The following MGST2 variants were observed in gnomAD, a reference collection of about 807,000 sequenced individuals.
MGST2 encodes the protein microsomal glutathione S-transferase 2.
MGST2 carries 9 observed loss-of-function variants against 16.6 expected under a neutral mutation model. The observed-to-expected ratio is 0.54, with a 90% CI of 0.33 to 0.95. The LOEUF is 0.95. Ranked by LOEUF, MGST2 falls within the 40% of genes least tolerant of loss-of-function variation. The pLI, the probability that MGST2 is intolerant of heterozygous loss-of-function variation, is 0.03. For synonymous variants in MGST2, 79 were observed against 68.0 expected (o/e 1.16, Z -0.79); for missense variants, 159 against 175.1 (o/e 0.91, Z 0.52).
chr4:139,699,386 A>G lies in MGST2; in HGVS notation c.230-4069A>G, dbSNP rs1002485450. The stretch of plus-strand genomic sequence containing the variant: ...GCATAAAATTCATATATATATCTAT[A>G]TAGTCTTTCTGCTGAAGCTTTGTAA... On this transcript the variant is annotated intron_variant, in intron 3 of 4. Transcript: ENST00000265498. Among the ~76,000 whole-genome samples, 32 of 152,338 alleles carry G rather than the reference A, an allele frequency of 2.1e-4. 1 individual carries two copies. Among genetic ancestry groups the G allele is most frequent in the Admixed American group, 5.9e-4 (9 of 15,294 alleles).
chr4:139,716,242 G>C (rs1182517451), intron 5 of MGST2, among the ~76,000 whole-genome samples: 1 of 152,192 alleles, frequency 6.6e-6, no homozygotes, highest in African/African-American at 2.4e-5. Flanking sequence ...TTTCAATTCT[G>C]TGGGTGCAGG....
At chr4:139,744,986 T>C (rs1729275703), downstream of MGST2, among the ~76,000 whole-genome samples, 1 of 152,196 alleles carries the variant, frequency 6.6e-6, no homozygotes, top group African/African-American at 2.4e-5. Context: ...GTATTCTCCT[T>C]TATGAAATGA....
intron 5 of MGST2, among the ~76,000 whole-genome samples, chr4:139,733,557 GAA>G (rs3051189): frequency 0.23 from 29,383 of 126,084 alleles, 3,476 homozygotes; most frequent in Admixed American, 0.36. Flanking sequence ...AGCACAGTGT[GAA>G]AAAAAAAAAA....
chr4:139,749,551 G>C, the MGST2 span, among the ~76,000 whole-genome samples: 1 of 152,198 alleles, frequency 6.6e-6, no homozygotes, highest in Non-Finnish European at 1.5e-5. Context: ...TAACTGTCAA[G>C]GGGGTGGGGG....
At chr4:139,700,127 CTTTTTTTT>C (rs56662682) in intron 3 of MGST2, among the ~76,000 whole-genome samples, 2 of 82,974 alleles carry the variant, frequency 2.4e-5, no homozygotes, top group African/African-American at 1.0e-4. Flanking sequence ...TTTGGTTTTG[CTTTTTTTT>C]TTTTTTTTTT....
chr4:139,670,853 G>C (rs1194766960), intron 1 of MGST2, among the ~76,000 whole-genome samples: 1 of 150,784 alleles, frequency 6.6e-6, no homozygotes, highest in Non-Finnish European at 1.5e-5. Flanking sequence ...GTTGCAGTGA[G>C]CCGAGATCAT....
intron 2 of MGST2, among the ~76,000 whole-genome samples, chr4:139,694,039 A>T (rs1726772096): frequency 1.3e-5 from 2 of 152,140 alleles, no homozygotes; most frequent in South Asian, 4.1e-4. Context: ...GCTTTAAAAG[A>T]TGATTGAGTT....
At chr4:139,720,134 G>A in intron 5 of MGST2, 1 of 1,614,066 alleles carries the variant, frequency 6.2e-7, no homozygotes, top group Non-Finnish European at 8.5e-7. Flanking sequence ...GTACATTCCT[G>A]GTTGGCTGGT....
At chr4:139,718,942 G>C (rs1728107125) in intron 5 of MGST2, 1 of 185,322 alleles carries the variant, frequency 5.4e-6, no homozygotes. Flanking sequence ...CCGACCTGGG[G>C]CAGGAGGGGC....
chr4:139,738,107 C>T (rs985490467), intron 5 of MGST2, among the ~76,000 whole-genome samples: 2 of 152,228 alleles, frequency 1.3e-5, no homozygotes, highest in African/African-American at 4.8e-5. Context: ...CACCATGGGC[C>T]CAGTGACTGG....
At chr4:139,703,582 A>T (rs1204969619) in intron 4 of MGST2, 46 bp downstream of exon 4, 1 of 1,562,690 alleles carries the variant, frequency 6.4e-7, no homozygotes, top group South Asian at 1.1e-5. Context: ...AAGTAGCAGG[A>T]TAAGGTCTGG....
chr4:139,670,344 C>T (rs544953247), intron 1 of MGST2, among the ~76,000 whole-genome samples: 9 of 151,778 alleles, frequency 5.9e-5, no homozygotes, highest in African/African-American at 1.5e-4. Flanking sequence ...GACCATGGCT[C>T]GGAGAAAACA....
chr4:139,681,511 T>A (rs1464013537), intron 2 of MGST2, among the ~76,000 whole-genome samples: 1 of 152,230 alleles, frequency 6.6e-6, no homozygotes, highest in Non-Finnish European at 1.5e-5. Context: ...TAACTTTTTA[T>A]CTGAAATTTG....
chr4:139,747,551 G>A, the MGST2 span, among the ~76,000 whole-genome samples: 3 of 151,998 alleles, frequency 2.0e-5, no homozygotes, highest in African/African-American at 4.8e-5. Flanking sequence ...AAAATTAGCC[G>A]GCTGTGGTGG....
the MGST2 span, among the ~76,000 whole-genome samples, chr4:139,747,460 G>C: frequency 6.6e-6 from 1 of 152,108 alleles, no homozygotes; most frequent in Non-Finnish European, 1.5e-5. Context: ...TTGGGAGGCC[G>C]AGGCAGGTGG....
intron 2 of MGST2, among the ~76,000 whole-genome samples, chr4:139,684,051 G>A (rs1304168130): frequency 6.7e-6 from 1 of 149,936 alleles, no homozygotes; most frequent in East Asian, 2.0e-4. Flanking sequence ...TCAGCCTCCT[G>A]CGTACTGGGA....
rs979387067 is a variant in MGST2 at position 139,715,886 on chromosome 4, C to G, written c.*48+11690C>G. Among the ~76,000 whole-genome samples the G allele has an allele frequency of 3.3e-5, 5 of 152,174 alleles. No homozygotes were observed. Among genetic ancestry groups the G allele is most frequent in the Non-Finnish European group, 5.9e-5 (4 of 68,026 alleles). On this transcript the variant is annotated intron_variant, in intron 5 of 5. Transcript: ENST00000616265. This position sits in a 1 kb window ranked among gnomAD's most constrained non-coding sequence, Gnocchi z 4.4. ...TATCTCATCCTGTGACTTAGAATGCCTTAACCGTCTGGGAATGCAGCCCAG... is the reference window on the plus strand; with the variant it reads ...TATCTCATCCTGTGACTTAGAATGCGTTAACCGTCTGGGAATGCAGCCCAG...
chr4:139,722,533 T>A (rs956784429), intron 5 of MGST2, among the ~76,000 whole-genome samples: 2 of 152,240 alleles, frequency 1.3e-5, no homozygotes, highest in African/African-American at 4.8e-5. Context: ...GTCTGCTGGT[T>A]AACATCACAA....
chr4:139,714,178 G>A (rs982211123), intron 5 of MGST2, among the ~76,000 whole-genome samples: 5 of 152,122 alleles, frequency 3.3e-5, no homozygotes, highest in African/African-American at 4.8e-5. Context: ...CCTGAAAAGC[G>A]GGCTTACAGG....
Sources: allele counts gnomAD v4.1 joint callset (sites outside exome capture counted in the v4.1 genomes callset), GRCh38; gene constraint gnomAD v4.1.1; non-coding constraint Gnocchi (gnomAD v3.1); transcripts MANE v1.5; gene names NCBI Gene and HGNC (gene_info 2026-07-23, HGNC 2026-07-21).